The following ROS1 variants were observed in gnomAD, a reference collection of about 807,000 sequenced individuals.
ROS1 encodes the protein proto-oncogene tyrosine-protein kinase ROS.
ROS1 carries 263 observed loss-of-function variants against 273.5 expected under a neutral mutation model. That is an observed-to-expected ratio of 0.96 (90% CI 0.87 to 1.06). The LOEUF (loss-of-function observed/expected upper bound fraction) is 1.06. ROS1 is among the 50% of genes least tolerant of loss of function. The pLI is 0.00. For missense variants in ROS1, 2,833 were observed against 2,751.1 expected (o/e 1.03, Z -0.67); for synonymous variants, 1,008 against 954.1 (o/e 1.06, Z -1.04).
At chr6:117,322,365 T>C (rs1776343727) in intron 35 of ROS1, among the ~76,000 whole-genome samples, 1 of 152,156 alleles carries the variant, frequency 6.6e-6, no homozygotes, top group African/African-American at 2.4e-5. Context: ...CTTTCATATC[T>C]GAACTTGAAA....
At chr6:117,338,539 C>CAAAAAAAA (rs3086778) in intron 31 of ROS1, among the ~76,000 whole-genome samples, 12,167 of 140,582 alleles carry the variant, frequency 0.087, 671 homozygotes, top group Non-Finnish European at 0.12. Context: ...AACTCCTGGC[C>CAAAAAAAA]AAAAAAAAAA....
chr6:117,375,713 G>C (rs1405062097), intron 18 of ROS1, among the ~76,000 whole-genome samples: 1 of 152,014 alleles, frequency 6.6e-6, no homozygotes, highest in East Asian at 1.9e-4. Flanking sequence ...ATCAGACAAA[G>C]GAATCTTTAA....
At chr6:117,417,155 C>T (rs1378878575) in intron 2 of ROS1, among the ~76,000 whole-genome samples, 1 of 152,156 alleles carries the variant, frequency 6.6e-6, no homozygotes. Flanking sequence ...CAGATATCCA[C>T]TGGCTCATTA....
chr6:117,381,860 T>C (rs1296761124), intron 17 of ROS1, among the ~76,000 whole-genome samples: 2 of 152,144 alleles, frequency 1.3e-5, no homozygotes, highest in East Asian at 3.9e-4. Flanking sequence ...TACATCCCCA[T>C]CTGCAGTGTA....
Position 117,365,636 on chromosome 6 carries a change from G to A in ROS1, c.2903C>T (p.Pro968Leu), listed in dbSNP as rs917101052. 2 of 1,612,856 alleles carry A rather than the reference G, an allele frequency of 1.2e-6. No individual in the cohort carries two copies. The highest frequency in any genetic ancestry group is 2.2e-5 in the East Asian group (1 of 44,880). Residue 968 changes from proline to leucine, a missense_variant, in exon 20 of 44, where the codon CCT (proline) becomes CTT (leucine). By Grantham distance (98) the Pro-to-Leu change is moderately conservative. Coordinates refer to ENST00000368507, the MANE Select transcript of ROS1 (RefSeq NM_001378902.1). ...SSFQILWNGP[P>L]AVDWGVVFYS... ...GAAAACTACACCCCAGTCTACCGCAGGGGGACCATTCCACAGGATTTGAAA... is the reference window on the plus strand; with the variant it reads ...GAAAACTACACCCCAGTCTACCGCAAGGGGACCATTCCACAGGATTTGAAA...
At chr6:117,300,432 A>G (rs575694960) in intron 43 of ROS1, among the ~76,000 whole-genome samples, 1 of 152,152 alleles carries the variant, frequency 6.6e-6, no homozygotes, top group Non-Finnish European at 1.5e-5. Flanking sequence ...AGAAAGAAAA[A>G]TGCATTCATT....
At chr6:117,352,249 T>G (rs1778932996) in intron 27 of ROS1, among the ~76,000 whole-genome samples, 1 of 152,194 alleles carries the variant, frequency 6.6e-6, no homozygotes, top group South Asian at 2.1e-4. Flanking sequence ...CTGGGCTAAT[T>G]TTTTTGGCAA....
chr6:117,293,738 T>C (rs1774002797), intron 43 of ROS1, among the ~76,000 whole-genome samples: 1 of 152,170 alleles, frequency 6.6e-6, no homozygotes, highest in East Asian at 1.9e-4. Context: ...AAAAATTGTT[T>C]TTAAACTTTT....
intron 18 of ROS1, among the ~76,000 whole-genome samples, chr6:117,370,158 G>T (rs7739354): frequency 0.67 from 101,966 of 152,010 alleles, 35,212 homozygotes; most frequent in African/African-American, 0.84. Context: ...CCAAAAAAAG[G>T]AATTTTTATT....
chr6:117,333,453 C>G (rs1777243095), intron 32 of ROS1, among the ~76,000 whole-genome samples: 2 of 152,122 alleles, frequency 1.3e-5, no homozygotes, highest in South Asian at 4.1e-4. Flanking sequence ...GAAACTGTTC[C>G]AAACAATGGA....
rs760109353 is a variant in ROS1 at position 117,362,676 on chromosome 6, G to A, written c.3293C>T (p.Ala1098Val). 3 of 1,612,968 alleles carry A rather than the reference G, an allele frequency of 1.9e-6. No homozygotes were observed. The highest frequency in any genetic ancestry group is 2.5e-6 in the Non-Finnish European group (3 of 1,179,178). Residue 1098 changes from alanine to valine, a missense_variant, in exon 22 of 44, where the codon GCT becomes GTT. Coordinates refer to ENST00000368507, the MANE Select transcript of ROS1 (RefSeq NM_001378902.1). ...CATCACTGAGGGAGTGACATTGACA[G>A]CAATCCAGTCTTCACATGTTTTGTT... Reference protein sequence around the residue: ...ITNKTCEDWIAVNVTPSVMSF... With the variant: ...ITNKTCEDWIVVNVTPSVMSF...
chr6:117,377,479 G>A (rs964582243), intron 18 of ROS1, among the ~76,000 whole-genome samples: 13 of 151,950 alleles, frequency 8.6e-5, no homozygotes, highest in South Asian at 2.1e-4. Context: ...AGCAAATGGC[G>A]CTAGAACAAC....
In ROS1 at chr6:117,385,778, A is replaced by C; in HGVS notation, c.2194T>G (p.Ser732Ala). ...ATGCTGGGTAGGTGATAATTCTCTG[A>C]GATATCCGTCCCATTCAGCAGCCAC... ...FVWLLNGTDI[S>A]ENYHLPSIAG... Residue 732 changes from serine (S) to alanine (A), a missense_variant, in exon 16 of 44, where the codon TCA becomes GCA. Ser to Ala is a moderately conservative substitution (Grantham distance 99). Coordinates refer to ENST00000368507, the MANE Select transcript of ROS1 (RefSeq NM_001378902.1). 5 of 1,614,152 alleles carry C rather than the reference A, an allele frequency of 3.1e-6. No homozygotes were observed. The highest frequency in any genetic ancestry group is 4.2e-6 in the Non-Finnish European group (5 of 1,180,028).
At chr6:117,323,048 C>A (rs1776389852) in intron 35 of ROS1, among the ~76,000 whole-genome samples, 1 of 152,112 alleles carries the variant, frequency 6.6e-6, no homozygotes, top group South Asian at 2.1e-4. Flanking sequence ...AGCAGTCAAG[C>A]CTATATGCCA....
rs2128704808 is a variant in ROS1 at position 117,389,627 on chromosome 6, G to A, written c.1509C>T (p.Ile503=). Residue 503 remains isoleucine (I), a synonymous_variant, in exon 13 of 44, where the codon ATC becomes ATT. Transcript: ENST00000368507. ...CAAAACTTTTCACATCAGCAAAGGG[G>A]ATGCGAGGTAGGATGAGATGGGAAG... ...GSASHLILPR[I]PFADVKSFAC... is the part of the protein sequence containing the mutation. 1 of 1,614,212 alleles carries A rather than the reference G, an allele frequency of 6.2e-7. No individual in the cohort carries two copies. The highest frequency in any genetic ancestry group is 8.5e-7 in the Non-Finnish European group (1 of 1,180,046).
At chr6:117,389,283 C>T in intron 13 of ROS1, 67 bp downstream of exon 13, 1 of 1,511,182 alleles carries the variant, frequency 6.6e-7, no homozygotes, top group Non-Finnish European at 8.9e-7. Context: ...AATCACAACG[C>T]CAAGCAGTTC....
intron 27 of ROS1, among the ~76,000 whole-genome samples, chr6:117,346,455 G>T (rs1778385311): frequency 6.6e-6 from 1 of 151,224 alleles, no homozygotes; most frequent in Non-Finnish European, 1.5e-5. Context: ...ATGAGTTCCA[G>T]TTTAAAAAAA....
At position 117,404,275 on chromosome 6, in the gene ROS1, C is replaced by T. The variant is rs1292071192; in HGVS notation, c.465+5G>A. ...GGGTTGAGGTACAAAGGCAGCCTTT[C>T]ATACCTTAGTATAAGTCCAGCTTCC... On this transcript the variant is annotated splice_donor_5th_base_variant and intron_variant, in intron 6 of 43. Coordinates refer to ENST00000368507, the MANE Select transcript of ROS1 (RefSeq NM_001378902.1). 1 of 1,612,642 alleles carries T rather than the reference C, an allele frequency of 6.2e-7. No homozygotes were observed. The highest frequency in any genetic ancestry group is 8.5e-7 in the Non-Finnish European group (1 of 1,179,182).
Position 117,357,268 on chromosome 6 carries a change from T to A in ROS1, c.3840-353A>T, listed in dbSNP as rs1373622144. Among the ~76,000 whole-genome samples the A allele has an allele frequency of 2.0e-5, 3 of 152,348 alleles. No homozygotes were observed. The East Asian group carries it at 5.8e-4, about 29-fold the overall frequency. On this transcript the variant is annotated intron_variant, in intron 25 of 43. Transcript: ENST00000368507. ...CCCCTCCTCTCATGTTTGTTTCTGCTTCTTAATACTAGTTAATGATCTAGT... is the reference window on the plus strand; with the variant it reads ...CCCCTCCTCTCATGTTTGTTTCTGCATCTTAATACTAGTTAATGATCTAGT...
Sources: gnomAD v4.1 joint callset for allele counts (sites outside exome capture counted in the v4.1 genomes callset) on GRCh38, gnomAD v4.1.1 for gene constraint, MANE v1.5 for transcripts, NCBI Gene and HGNC (gene_info 2026-07-23, HGNC 2026-07-21) for gene names.